GRIN3A: variants seen among roughly 807,000 people sequenced by gnomAD.
GRIN3A encodes glutamate ionotropic receptor NMDA type subunit 3A.
In GRIN3A, 47 loss-of-function variants were observed where a neutral mutation model predicts 92.4. The ratio of observed to expected loss-of-function variants is 0.51; its 90% CI spans 0.40 to 0.65. The LOEUF is 0.65. Among genes scored for constraint, GRIN3A ranks in the 30% least tolerant of loss-of-function variants. The probability of loss-of-function intolerance (pLI) is 0.00; values close to 1 mark genes in which losing one functional copy is unlikely to be tolerated. For synonymous variants in GRIN3A, 527 were observed against 540.6 expected (o/e 0.97, Z 0.35); for missense variants, 1,324 against 1,393.1 (o/e 0.95, Z 0.79).
At chr9:101,701,576 AAAAC>A (rs560175947) in intron 1 of GRIN3A, among the ~76,000 whole-genome samples, 4 of 152,128 alleles carry the variant, frequency 2.6e-5, no homozygotes, top group Non-Finnish European at 2.9e-5. Context: ...AAACCCTAGG[AAAAC>A]AAACAAACAA....
At chr9:101,603,568 C>T (rs2075017228) in intron 6 of GRIN3A, among the ~76,000 whole-genome samples, 1 of 152,084 alleles carries the variant, frequency 6.6e-6, no homozygotes, top group Non-Finnish European at 1.5e-5. Flanking sequence ...AGACTGCCTT[C>T]CATATAAGAC....
chr9:101,723,883 C>A (rs1345134291), intron 1 of GRIN3A, among the ~76,000 whole-genome samples: 2 of 152,088 alleles, frequency 1.3e-5, no homozygotes, highest in East Asian at 3.9e-4. Flanking sequence ...CTGGACTAGA[C>A]ATAAAGGTTC....
At chr9:101,603,052 CA>C (rs1352826240) in intron 6 of GRIN3A, 1 of 152,116 alleles carries the variant, frequency 6.6e-6, no homozygotes, top group Non-Finnish European at 1.5e-5. Flanking sequence ...AAAGAAAGAA[CA>C]CAACACTACA....
chr9:101,728,913 A>G (rs1026333946), intron 1 of GRIN3A, among the ~76,000 whole-genome samples: 3 of 152,140 alleles, frequency 2.0e-5, no homozygotes, highest in Admixed American at 6.5e-5. Flanking sequence ...TAGCAGTGCT[A>G]CTTTCCCTTA....
intron 6 of GRIN3A, chr9:101,595,015 A>G (rs1432748322): frequency 1.7e-6 from 2 of 1,203,278 alleles, no homozygotes; most frequent in African/African-American, 1.6e-5. Context: ...CGGTTGGGCC[A>G]TGGGGTGGGG....
intron 6 of GRIN3A, among the ~76,000 whole-genome samples, 188 bp from the exon 7 acceptor site, chr9:101,579,548 G>A (rs924615061): frequency 6.6e-6 from 1 of 152,112 alleles, no homozygotes; most frequent in African/African-American, 2.4e-5. Context: ...GGGTTGGACT[G>A]AGGGCTGCCG....
At chr9:101,713,211 A>C (rs909979789) in intron 1 of GRIN3A, among the ~76,000 whole-genome samples, 5 of 152,154 alleles carry the variant, frequency 3.3e-5, no homozygotes, top group African/African-American at 1.2e-4. Context: ...TTTATTATTT[A>C]ATGTAGGCAT....
At chr9:101,727,058 TCTG>T (rs1346176311) in intron 1 of GRIN3A, among the ~76,000 whole-genome samples, 4 of 152,104 alleles carry the variant, frequency 2.6e-5, no homozygotes, top group Non-Finnish European at 5.9e-5. Context: ...TAGAGGGTGT[TCTG>T]CAGCACAAGT....
intron 1 of GRIN3A, among the ~76,000 whole-genome samples, chr9:101,694,788 G>T (rs973549774): frequency 6.6e-6 from 1 of 152,158 alleles, no homozygotes; most frequent in Non-Finnish European, 1.5e-5. Context: ...AGGGCAGTCT[G>T]TTCAGGCAAG....
intron 3 of GRIN3A, among the ~76,000 whole-genome samples, chr9:101,653,754 T>C (rs932719490): frequency 2.6e-5 from 4 of 151,874 alleles, no homozygotes; most frequent in Admixed American, 6.6e-5. Flanking sequence ...TTTGATATTC[T>C]GAAACATAAT....
chr9:101,670,339 G>C lies in GRIN3A; in HGVS notation c.2073C>G (p.Phe691Leu), dbSNP rs776997592. The part of the protein sequence containing the change: ...IFVALHITAV[F>L]LTLYEWKSPF... ...GACTCTTCCATTCATACAGAGTGAG[G>C]AAGACGGCAGTGATGTGCAGAGCCA... Residue 691 changes from phenylalanine (F) to leucine (L), a missense_variant, in exon 3 of 9, where the codon TTC becomes TTG. Transcript: ENST00000361820. The C allele has an allele frequency of 4.3e-6, 7 of 1,614,018 alleles. No homozygotes were observed. In the South Asian group the frequency reaches 7.7e-5, roughly 18 times the overall value.
At chr9:101,732,498 T>G (rs959630231) in intron 1 of GRIN3A, among the ~76,000 whole-genome samples, 2 of 152,186 alleles carry the variant, frequency 1.3e-5, no homozygotes, top group Admixed American at 6.5e-5. Context: ...GAAACAGTAC[T>G]GTGGCATGTC....
intron 1 of GRIN3A, among the ~76,000 whole-genome samples, chr9:101,711,151 G>T (rs752488110): frequency 6.6e-6 from 1 of 152,172 alleles, no homozygotes; most frequent in Non-Finnish European, 1.5e-5. Flanking sequence ...CATTGGCATT[G>T]TCACAGAGCA....
intron 3 of GRIN3A, among the ~76,000 whole-genome samples, chr9:101,645,720 T>A (rs575683930): frequency 2.0e-5 from 3 of 148,076 alleles, no homozygotes; most frequent in East Asian, 3.9e-4. Context: ...TATTAAATGT[T>A]ATATATTATA....
At chr9:101,593,646 C>T (rs1161253877) in intron 6 of GRIN3A, 1 of 152,292 alleles carries the variant, frequency 6.6e-6, no homozygotes, top group African/African-American at 2.4e-5. Context: ...AGGTCCCCTT[C>T]ATTGAAATTA....
At position 101,686,683 on chromosome 9, in the gene GRIN3A, A is replaced by G; in HGVS notation, c.1217T>C (p.Ile406Thr). 3 of 1,614,158 alleles carry G rather than the reference A, an allele frequency of 1.9e-6. No individual in the cohort carries two copies. The highest frequency in any genetic ancestry group is 2.5e-6 in the Non-Finnish European group (3 of 1,180,042). Residue 406 changes from isoleucine to threonine, a missense_variant, in exon 2 of 9, where the codon ATC (isoleucine) becomes ACC (threonine). Physicochemically the swap from Ile to Thr is moderately conservative, Grantham distance 89 (BLOSUM62 -1). Coordinates refer to ENST00000361820, the MANE Select transcript of GRIN3A (RefSeq NM_133445.3). ...GGGAATGAGAGCAAGTTCTGGTTGG[A>G]TCATGGTGGCTGTGGCTACAGCTCT... ...VARAVATATM[I>T]QPELALIPST...
chr9:101,664,591 A>G (rs1036720397), intron 3 of GRIN3A, among the ~76,000 whole-genome samples: 3 of 151,972 alleles, frequency 2.0e-5, no homozygotes, highest in Non-Finnish European at 2.9e-5. Flanking sequence ...GCCAGGTACA[A>G]GATTATTTTT....
intron 6 of GRIN3A, among the ~76,000 whole-genome samples, chr9:101,613,150 T>G (rs1828390444): frequency 6.6e-6 from 1 of 152,184 alleles, no homozygotes; most frequent in South Asian, 2.1e-4. Flanking sequence ...ATTTAGATAT[T>G]TACTCATCAA....
chr9:101,628,165 C>T (rs1411206743), intron 4 of GRIN3A, 91 bp downstream of exon 4: 5 of 1,315,136 alleles, frequency 3.8e-6, no homozygotes, highest in Non-Finnish European at 5.5e-6. Context: ...ATTCATCTGT[C>T]ATTTTCAGAA....
Sources: gnomAD v4.1 joint callset for allele counts (sites outside exome capture counted in the v4.1 genomes callset) on GRCh38, gnomAD v4.1.1 for gene constraint, MANE v1.5 for transcripts, NCBI Gene and HGNC (gene_info 2026-07-23, HGNC 2026-07-21) for gene names.